Variants in ST8SIA2 observed in about 807,000 individuals in gnomAD.
ST8SIA2 encodes the protein alpha-2,8-sialyltransferase 8B.
A neutral mutation model predicts 37.6 loss-of-function variants in ST8SIA2; 22 were observed. The observed-to-expected ratio is 0.58, with a 90% CI of 0.42 to 0.83. The LOEUF (loss-of-function observed/expected upper bound fraction) is 0.83. Among genes scored for constraint, ST8SIA2 ranks in the 40% least tolerant of loss-of-function variants. The probability of loss-of-function intolerance (pLI) is 0.00; values close to 1 mark genes in which losing one functional copy is unlikely to be tolerated. For synonymous variants in ST8SIA2, 205 were observed against 201.2 expected, an observed-to-expected ratio of 1.02 and a Z score of -0.16; for missense variants, 382 against 484.7, an observed-to-expected ratio of 0.79 and a Z score of 1.99.
chr15:92,437,533 C>T (rs2049767233), intron 3 of ST8SIA2, among the ~76,000 whole-genome samples: 1 of 152,118 alleles, frequency 6.6e-6, no homozygotes, highest in Non-Finnish European at 1.5e-5. Context: ...GAGCCCTTCT[C>T]CGTGGAACTG....
chr15:92,406,411 G>C (rs1444789177), intron 1 of ST8SIA2, among the ~76,000 whole-genome samples: 12 of 152,180 alleles, frequency 7.9e-5, no homozygotes, highest in Admixed American at 7.9e-4. Flanking sequence ...ACTCGGTGTG[G>C]TCCTCAGACC....
intron 1 of ST8SIA2, among the ~76,000 whole-genome samples, chr15:92,416,122 C>T (rs556258538): frequency 8.6e-5 from 13 of 150,394 alleles, no homozygotes; most frequent in African/African-American, 1.2e-4. Context: ...CTCTGCACAT[C>T]GCAGATAAGA....
At chr15:92,454,391 C>G (rs28607954) in intron 5 of ST8SIA2, among the ~76,000 whole-genome samples, 148 of 152,092 alleles carry the variant, frequency 9.7e-4, no homozygotes, top group East Asian at 1.9e-4. Flanking sequence ...TCATTACTTC[C>G]GTGAATACCC....
intron 1 of ST8SIA2, among the ~76,000 whole-genome samples, chr15:92,421,924 T>C (rs865791816): frequency 2.6e-5 from 4 of 152,204 alleles, no homozygotes; most frequent in Middle Eastern, 3.2e-3. Context: ...CAAAATTACA[T>C]TATTCTCATT....
At chr15:92,402,665 C>T (rs1460948748) in intron 1 of ST8SIA2, among the ~76,000 whole-genome samples, 1 of 152,140 alleles carries the variant, frequency 6.6e-6, no homozygotes, top group African/African-American at 2.4e-5. Flanking sequence ...TGGGACATGG[C>T]AGCCAAAAGA....
At chr15:92,435,292 A>G (rs954114213) in intron 3 of ST8SIA2, among the ~76,000 whole-genome samples, 2 of 152,210 alleles carry the variant, frequency 1.3e-5, no homozygotes, top group African/African-American at 4.8e-5. Context: ...AAGAGGACTA[A>G]GAAGACTGGC....
chr15:92,412,150 C>T (rs1015525822), intron 1 of ST8SIA2, among the ~76,000 whole-genome samples: 2 of 152,030 alleles, frequency 1.3e-5, no homozygotes, highest in Non-Finnish European at 2.9e-5. Context: ...CCAGAGAGGG[C>T]ATACTGGCCT....
intron 5 of ST8SIA2, among the ~76,000 whole-genome samples, chr15:92,447,450 A>C (rs918207988): frequency 3.3e-5 from 5 of 152,202 alleles, no homozygotes; most frequent in African/African-American, 1.2e-4. Flanking sequence ...GCTTGGGGTC[A>C]GGCCCTATAC....
At chr15:92,416,013 C>G (rs1032957465) in intron 1 of ST8SIA2, among the ~76,000 whole-genome samples, 1 of 151,856 alleles carries the variant, frequency 6.6e-6, no homozygotes, top group African/African-American at 2.4e-5. Flanking sequence ...CTGCAGGGGT[C>G]GGTAAGAGAG....
chr15:92,417,040 C>T (rs1182149209), intron 1 of ST8SIA2, among the ~76,000 whole-genome samples: 1 of 152,268 alleles, frequency 6.6e-6, no homozygotes, highest in Non-Finnish European at 1.5e-5. Flanking sequence ...TTGTTCCTTT[C>T]CAAAGGGCAG....
At chr15:92,419,600 G>A (rs1401465926) in intron 1 of ST8SIA2, among the ~76,000 whole-genome samples, 1 of 152,196 alleles carries the variant, frequency 6.6e-6, no homozygotes, top group Non-Finnish European at 1.5e-5. Context: ...CTGCAGGTAT[G>A]TCCAGGACGC....
At position 92,464,329 on chromosome 15, in the gene ST8SIA2, C is replaced by G. The variant is rs2049978008; in HGVS notation, c.1072C>G (p.Leu358Val). 2 of 1,613,910 alleles carry G rather than the reference C, an allele frequency of 1.2e-6. No homozygotes were observed. The highest frequency in any genetic ancestry group is 1.7e-6 in the Non-Finnish European group (2 of 1,180,024). ...MPLEFKALKS[L>V]HEQGALKLTV... is the part of the protein sequence containing the mutation. ...CTTGGAGTTTAAGGCCCTCAAGAGC[C>G]TACATGAGCAGGGGGCTTTGAAACT... is the stretch of plus-strand genomic sequence containing the variant. The change falls in exon 6 of 6, where the codon CTA (leucine) becomes GTA (valine). Residue 358 changes from leucine (L) to valine (V), a missense_variant. By Grantham distance (32) the Leu-to-Val change is conservative. Coordinates refer to ENST00000268164, the MANE Select transcript of ST8SIA2 (RefSeq NM_006011.4).
intron 1 of ST8SIA2, among the ~76,000 whole-genome samples, chr15:92,395,450 C>A (rs1048760867): frequency 2.0e-5 from 3 of 152,224 alleles, no homozygotes; most frequent in Non-Finnish European, 4.4e-5. Context: ...TTCCTGCTCT[C>A]ATTTTCTCCC....
intron 1 of ST8SIA2, among the ~76,000 whole-genome samples, chr15:92,401,773 C>A (rs1294334595): frequency 6.6e-6 from 1 of 151,938 alleles, no homozygotes; most frequent in Non-Finnish European, 1.5e-5. Flanking sequence ...GCTTCCTGGA[C>A]CTTTTTTAAG....
chr15:92,425,016 G>A (rs1176579479), intron 1 of ST8SIA2, among the ~76,000 whole-genome samples: 1 of 152,148 alleles, frequency 6.6e-6, no homozygotes. Flanking sequence ...TTTATAGTGT[G>A]CAAAAAGTAT....
intron 5 of ST8SIA2, among the ~76,000 whole-genome samples, chr15:92,452,764 G>A (rs1407752515): frequency 2.0e-5 from 3 of 152,176 alleles, no homozygotes; most frequent in Non-Finnish European, 2.9e-5. Context: ...GGGAATCGAA[G>A]GGGACAAATG....
intron 1 of ST8SIA2, among the ~76,000 whole-genome samples, chr15:92,397,144 G>A (rs2049437922): frequency 6.6e-6 from 1 of 152,182 alleles, no homozygotes; most frequent in African/African-American, 2.4e-5. Flanking sequence ...AAAGATAGAA[G>A]GAACCTCTTT....
Position 92,426,298 on chromosome 15 carries a change from G to A in ST8SIA2, c.99-3751G>A, listed in dbSNP as rs562754240. Among the ~76,000 whole-genome samples, 3 of 152,284 alleles carry A rather than the reference G, an allele frequency of 2.0e-5. No individual in the cohort carries two copies. The South Asian group carries it at 6.2e-4, about 32-fold the overall frequency. ...TGGGATGGTTTGGAAGGGAGGCACC[G>A]ATGCTGGGTTAGGGGGTTTGCATGG... On this transcript the variant is annotated intron_variant, in intron 1 of 5. Coordinates refer to ENST00000268164, the MANE Select transcript of ST8SIA2 (RefSeq NM_006011.4).
At chr15:92,435,457 G>A (rs1438893317) in intron 3 of ST8SIA2, among the ~76,000 whole-genome samples, 4 of 152,098 alleles carry the variant, frequency 2.6e-5, no homozygotes, top group African/African-American at 7.2e-5. Context: ...AGGTTGGGAC[G>A]ATAGGCAGGA....
Sources: allele counts gnomAD v4.1 joint callset (sites outside exome capture counted in the v4.1 genomes callset), GRCh38; gene constraint gnomAD v4.1.1; transcripts MANE v1.5; gene names NCBI Gene and HGNC (gene_info 2026-07-23, HGNC 2026-07-21).